The following CPE variants were observed in gnomAD, a reference collection of about 807,000 sequenced individuals.
The protein encoded by CPE is carboxypeptidase E, also known as carbocypeptidase E.
In CPE, 17 loss-of-function variants were observed where a neutral mutation model predicts 53.5. That is an observed-to-expected ratio of 0.32 (90% CI 0.22 to 0.48). CPE has a LOEUF of 0.48. CPE is among the 20% of genes least tolerant of loss of function. The probability of loss-of-function intolerance (pLI) is 0.99; values close to 1 mark genes in which losing one functional copy is unlikely to be tolerated. For synonymous variants in CPE, 226 were observed against 228.8 expected (o/e 0.99, Z 0.11); for missense variants, 524 against 614.7 (o/e 0.85, Z 1.56).
At chr4:165,393,424 T>C (rs1253715315) in intron 1 of CPE, among the ~76,000 whole-genome samples, 1 of 152,230 alleles carries the variant, frequency 6.6e-6, no homozygotes, top group Non-Finnish European at 1.5e-5. Flanking sequence ...ACTCCTGATG[T>C]TAAACCCAAT....
intron 4 of CPE, 49 bp downstream of exon 4, chr4:165,482,408 T>C (rs746536005): frequency 7.7e-7 from 1 of 1,296,304 alleles, no homozygotes; most frequent in South Asian, 1.2e-5. Flanking sequence ...TATAACACTG[T>C]ACAAGGTTTT....
chr4:165,432,254 C>A (rs1731424727), intron 1 of CPE, among the ~76,000 whole-genome samples: 1 of 152,216 alleles, frequency 6.6e-6, no homozygotes, highest in South Asian at 2.1e-4. Context: ...GGCAAGAAGA[C>A]ACTGCACAAA....
At chr4:165,436,191 TACACACACACACAC>T (rs35269093) in intron 1 of CPE, among the ~76,000 whole-genome samples, 3 of 149,296 alleles carry the variant, frequency 2.0e-5, no homozygotes, top group Admixed American at 6.7e-5. Flanking sequence ...CCAGCACACA[TACACACACACACAC>T]ACACACACAC....
chr4:165,454,821 G>A (rs1354494164), intron 1 of CPE, among the ~76,000 whole-genome samples: 1 of 152,220 alleles, frequency 6.6e-6, no homozygotes, highest in Non-Finnish European at 1.5e-5. Context: ...ACCATGATTT[G>A]TATAGGACAG....
intron 1 of CPE, among the ~76,000 whole-genome samples, chr4:165,383,222 C>G (rs1225161407): frequency 1.3e-5 from 2 of 152,160 alleles, no homozygotes; most frequent in Non-Finnish European, 2.9e-5. Flanking sequence ...AATATGTCCC[C>G]ATTAGATATC....
At chr4:165,403,555 T>G (rs78071505) in intron 1 of CPE, among the ~76,000 whole-genome samples, 3,031 of 152,328 alleles carry the variant, frequency 0.02, 87 homozygotes, top group East Asian at 0.056. Context: ...TGATTTAATT[T>G]TTGAATGAAA....
intron 8 of CPE, 21 bp downstream of exon 8, chr4:165,495,698 C>T (rs1236832145): frequency 1.4e-6 from 2 of 1,446,912 alleles, no homozygotes; most frequent in Non-Finnish European, 9.6e-7. Context: ...ATAATAATAG[C>T]CAAACGCTAT....
At chr4:165,427,432 A>G (rs182131586) in intron 1 of CPE, among the ~76,000 whole-genome samples, 1 of 152,254 alleles carries the variant, frequency 6.6e-6, no homozygotes, top group East Asian at 1.9e-4. Context: ...CATTTTCTAT[A>G]AACATTTTCT....
intron 3 of CPE, among the ~76,000 whole-genome samples, chr4:165,470,389 C>T (rs72703686): frequency 0.04 from 6,125 of 152,216 alleles, 192 homozygotes; most frequent in East Asian, 0.14. Flanking sequence ...GTGTGTTTAT[C>T]GAAGTTGTAT....
chr4:165,382,102 G>C (rs1341169415), intron 1 of CPE, among the ~76,000 whole-genome samples: 1 of 151,578 alleles, frequency 6.6e-6, no homozygotes, highest in Non-Finnish European at 1.5e-5. Flanking sequence ...GAAAAAGACA[G>C]TAAGGTCAGC....
intron 1 of CPE, among the ~76,000 whole-genome samples, chr4:165,461,365 A>G (rs1732000813): frequency 6.6e-6 from 1 of 151,990 alleles, no homozygotes; most frequent in South Asian, 2.1e-4. Context: ...GCTGAAACAC[A>G]GGAGGGAAAG....
chr4:165,384,098 C>A (rs773118053), intron 1 of CPE, among the ~76,000 whole-genome samples: 1 of 152,122 alleles, frequency 6.6e-6, no homozygotes, highest in African/African-American at 2.4e-5. Flanking sequence ...TACCACGGGG[C>A]GAAATCCTAT....
At chr4:165,418,901 A>G (rs1210543070) in intron 1 of CPE, among the ~76,000 whole-genome samples, 1 of 152,314 alleles carries the variant, frequency 6.6e-6, no homozygotes, top group South Asian at 2.1e-4. Flanking sequence ...TTGGAATAGT[A>G]TGAGATAATT....
intron 1 of CPE, among the ~76,000 whole-genome samples, chr4:165,437,081 C>T (rs1480575674): frequency 6.6e-6 from 1 of 152,172 alleles, no homozygotes; most frequent in African/African-American, 2.4e-5. Flanking sequence ...CTGCTGTTCT[C>T]TATGTTGTCT....
chr4:165,471,411 A>T (rs1732204398), intron 3 of CPE, among the ~76,000 whole-genome samples: 1 of 152,212 alleles, frequency 6.6e-6, no homozygotes, highest in South Asian at 2.1e-4. Flanking sequence ...ATGTTCTTGA[A>T]ACATAACTTT....
chr4:165,434,552 T>A (rs1448050215), intron 1 of CPE, among the ~76,000 whole-genome samples: 2 of 152,190 alleles, frequency 1.3e-5, no homozygotes, highest in Non-Finnish European at 2.9e-5. Context: ...ATATACTCTT[T>A]TTCTTTTGGC....
At chr4:165,382,556 CT>C (rs1427012264) in intron 1 of CPE, among the ~76,000 whole-genome samples, 1 of 152,012 alleles carries the variant, frequency 6.6e-6, no homozygotes, top group African/African-American at 2.4e-5. Flanking sequence ...AATCTAGATT[CT>C]TTTCCTGAAC....
intron 1 of CPE, among the ~76,000 whole-genome samples, chr4:165,442,066 A>G (rs1269990824): frequency 2.5e-5 from 3 of 119,096 alleles, no homozygotes; most frequent in African/African-American, 3.7e-5. Context: ...TTTTTGAGAC[A>G]GGGTCTAGCT....
chr4:165,422,029 G>A lies in CPE; in HGVS notation c.308-42361G>A, dbSNP rs142638661. On this transcript the variant is annotated intron_variant, in intron 1 of 8. Coordinates refer to ENST00000402744, the MANE Select transcript of CPE (RefSeq NM_001873.4). ...TAAATACTCTCCTTGAGGATTCAAA[G>A]TACATATTAACATAAGAAAAGATCT... is the stretch of plus-strand genomic sequence containing the variant. 9.2e-4 allele frequency among the ~76,000 whole-genome samples: 140 copies of A among 152,226 alleles called. 3 individuals carry two copies. The East Asian group carries it at 0.025, about 27-fold the overall frequency.
Sources: allele counts gnomAD v4.1 joint callset (sites outside exome capture counted in the v4.1 genomes callset), GRCh38; gene constraint gnomAD v4.1.1; transcripts MANE v1.5; gene names NCBI Gene and HGNC (gene_info 2026-07-23, HGNC 2026-07-21).